The following FAM20C variants were observed in gnomAD, a reference collection of about 807,000 sequenced individuals.
FAM20C encodes extracellular serine/threonine protein kinase FAM20C.
In FAM20C, 40 loss-of-function variants were observed where a neutral mutation model predicts 51.5. That is an observed-to-expected ratio of 0.78 (90% CI 0.60 to 1.01). The LOEUF is 1.01. Ranked by LOEUF, FAM20C falls within the 50% of genes least tolerant of loss-of-function variation. The pLI, the probability that FAM20C is intolerant of heterozygous loss-of-function variation, is 0.00. For missense variants in FAM20C, 861 were observed against 844.7 expected, an observed-to-expected ratio of 1.02 and a Z score of -0.24; for synonymous variants, 406 against 380.6, an observed-to-expected ratio of 1.07 and a Z score of -0.78.
chr7:204,367 C>T (rs557145149), intron 2 of FAM20C, among the ~76,000 whole-genome samples: 14 of 152,346 alleles, frequency 9.2e-5, no homozygotes, highest in African/African-American at 2.9e-4. Flanking sequence ...GAGGAGGGCA[C>T]GGCCTCTGAG....
At chr7:209,570 C>T (rs2115067835) in intron 3 of FAM20C, among the ~76,000 whole-genome samples, 1 of 152,280 alleles carries the variant, frequency 6.6e-6, no homozygotes, top group Non-Finnish European at 1.5e-5. Context: ...GTCACCAAAA[C>T]CGATAACACA....
At chr7:235,947 C>T (rs1368892578) in intron 3 of FAM20C, among the ~76,000 whole-genome samples, 10 of 152,214 alleles carry the variant, frequency 6.6e-5, no homozygotes, top group African/African-American at 2.4e-4. Context: ...CGGCTAACCC[C>T]GCTGGATCTG....
At chr7:235,921 G>C (rs1248430843) in intron 3 of FAM20C, among the ~76,000 whole-genome samples, 1 of 152,200 alleles carries the variant, frequency 6.6e-6, no homozygotes, top group East Asian at 1.9e-4. Context: ...CCCCAGCCAC[G>C]GTACGCTCTG....
rs1583288520 is a variant in FAM20C, at chr7:207,119, T to C, written c.785-1779T>C. Among the ~76,000 whole-genome samples, 3 of 20,176 alleles carry C rather than the reference T, an allele frequency of 1.5e-4. 1 individual carries two copies. The highest frequency in any genetic ancestry group is 6.2e-4 in the African/African-American group (3 of 4,840). The allele number at this position is 20,176 out of a possible 152,430, so 13.2% of individuals were successfully genotyped here. A position where few individuals can be genotyped will look rare whatever the true frequency, so the allele number is the denominator to read the frequency against. On this transcript the variant is annotated intron_variant, in intron 2 of 9. Transcript: ENST00000313766. Reference sequence around the variant, plus strand: ...CTGTCCCCTCGGCCCCGCACACGTGTCCACTGTGACGCGTCGGTCACTGTC... The same window carrying C: ...CTGTCCCCTCGGCCCCGCACACGTGCCCACTGTGACGCGTCGGTCACTGTC...
rs2115183734 is a variant in FAM20C at position 260,100 on chromosome 7, G to A, written c.*120G>A. 2.3e-6 allele frequency: 3 copies of A among 1,331,808 alleles called. No homozygotes were observed. Among genetic ancestry groups the A allele is most frequent in the African/African-American group, 1.5e-5 (1 of 67,456 alleles). 82.5% of individuals were successfully genotyped at this position (1,331,808 alleles called of 1,614,324 possible). On this transcript the variant is annotated 3_prime_UTR_variant, in exon 10 of 10. Coordinates refer to ENST00000313766, the MANE Select transcript of FAM20C (RefSeq NM_020223.4). Reference sequence around the variant, plus strand: ...GCAGGACGGGATCATCCGGAGTCGGGAGCTGCTGCCACAGGAGGCGAGGCT... The same window carrying A: ...GCAGGACGGGATCATCCGGAGTCGGAAGCTGCTGCCACAGGAGGCGAGGCT...
At chr7:205,780 TC>T (rs1026808455) in intron 2 of FAM20C, among the ~76,000 whole-genome samples, 2 of 151,966 alleles carry the variant, frequency 1.3e-5, no homozygotes, top group Admixed American at 1.3e-4. Context: ...TCCCCCGTGC[TC>T]CTGGCCTTCC....
intron 3 of FAM20C, among the ~76,000 whole-genome samples, chr7:210,267 C>T (rs1334954978): frequency 2.6e-5 from 4 of 152,220 alleles, no homozygotes; most frequent in Non-Finnish European, 4.4e-5. Flanking sequence ...CGTTTCTGTG[C>T]GTGGATGTGA....
At chr7:212,425 T>C (rs1220139030) in intron 3 of FAM20C, among the ~76,000 whole-genome samples, 1 of 152,176 alleles carries the variant, frequency 6.6e-6, no homozygotes, top group African/African-American at 2.4e-5. Context: ...CTGACGCCAC[T>C]GCACTCCAGC....
At chr7:240,479 T>C (rs1413033333) in intron 3 of FAM20C, among the ~76,000 whole-genome samples, 1 of 151,538 alleles carries the variant, frequency 6.6e-6, no homozygotes, top group East Asian at 1.9e-4. Flanking sequence ...ATGGTGGTGA[T>C]GATGATGATA....
Position 260,666 on chromosome 7 carries a change from C to G in FAM20C, c.*686C>G, listed in dbSNP as rs1316874416. 6.6e-6 allele frequency: 1 copy of G among 152,330 alleles called. No individual in the cohort carries two copies. The highest frequency in any genetic ancestry group is 1.5e-5 in the Non-Finnish European group (1 of 68,086). 9.4% of individuals were successfully genotyped at this position (152,330 alleles called of 1,614,324 possible). ...TGCATCCTGCAGGGCTGGCTGTGCGCAGCTGTGGGCTGACCTTTGCAGAGT... is the reference window on the plus strand; with the variant it reads ...TGCATCCTGCAGGGCTGGCTGTGCGGAGCTGTGGGCTGACCTTTGCAGAGT... On this transcript the variant is annotated 3_prime_UTR_variant, in exon 10 of 10. Coordinates refer to ENST00000313766, the MANE Select transcript of FAM20C (RefSeq NM_020223.4).
At chr7:243,948 A>ATTATTATTG in intron 3 of FAM20C, among the ~76,000 whole-genome samples, 1 of 147,488 alleles carries the variant, frequency 6.8e-6, no homozygotes, top group African/African-American at 2.5e-5. Flanking sequence ...AATAATAATT[A>ATTATTATTG]TTATTATTAT....
intron 5 of FAM20C, 40 bp from the exon 6 acceptor site, chr7:255,809 C>T: frequency 6.5e-7 from 1 of 1,535,122 alleles, no homozygotes; most frequent in Non-Finnish European, 8.7e-7. Flanking sequence ...AGGACGCAGC[C>T]CTGTGCGGCC....
At chr7:232,410 C>G (rs533264718) in intron 3 of FAM20C, among the ~76,000 whole-genome samples, 2 of 152,232 alleles carry the variant, frequency 1.3e-5, no homozygotes, top group Admixed American at 6.5e-5. Flanking sequence ...GCAACCCTCA[C>G]ACCTGCACGC....
At chr7:215,195 G>A (rs1005039854) in intron 3 of FAM20C, among the ~76,000 whole-genome samples, 3 of 149,576 alleles carry the variant, frequency 2.0e-5, no homozygotes, top group African/African-American at 4.9e-5. Flanking sequence ...GTGAGCGAGT[G>A]AGCACCGTAC....
chr7:199,473 C>T (rs1164953775), intron 2 of FAM20C, among the ~76,000 whole-genome samples: 1 of 152,274 alleles, frequency 6.6e-6, no homozygotes, highest in Non-Finnish European at 1.5e-5. Context: ...GTCCCCTCAG[C>T]TGTCCGGCCC....
At chr7:258,481 T>TA (rs1788736840) in intron 8 of FAM20C, among the ~76,000 whole-genome samples, 165 bp from the exon 9 acceptor site, 1 of 135,970 alleles carries the variant, frequency 7.4e-6, no homozygotes, top group East Asian at 2.2e-4. Context: ...GTGCTGGAGA[T>TA]GGGTGGGATG....
At chr7:258,925 C>T (rs1399284070) in intron 9 of FAM20C, among the ~76,000 whole-genome samples, 1 of 152,208 alleles carries the variant, frequency 6.6e-6, no homozygotes, top group East Asian at 1.9e-4. Context: ...GCTCGAGCCC[C>T]CTCGGGCCTC....
intron 3 of FAM20C, among the ~76,000 whole-genome samples, chr7:220,665 G>C (rs1392481219): frequency 6.6e-6 from 1 of 152,182 alleles, no homozygotes; most frequent in East Asian, 1.9e-4. Flanking sequence ...GGTCTGGAGA[G>C]GAACATTCCT....
chr7:212,150 T>C (rs1306938064), intron 3 of FAM20C, among the ~76,000 whole-genome samples: 1 of 152,208 alleles, frequency 6.6e-6, no homozygotes, highest in Non-Finnish European at 1.5e-5. Context: ...CATTAATGAG[T>C]TAAAATCCAT....
Sources: allele counts gnomAD v4.1 joint callset (sites outside exome capture counted in the v4.1 genomes callset), GRCh38; gene constraint gnomAD v4.1.1; transcripts MANE v1.5; gene names NCBI Gene and HGNC (gene_info 2026-07-23, HGNC 2026-07-21).